The following CDH4 variants were observed in gnomAD, a reference collection of about 807,000 sequenced individuals.
CDH4 encodes cadherin-4.
CDH4 carries 33 observed loss-of-function variants against 86.0 expected under a neutral mutation model. That is an observed-to-expected ratio of 0.38 (90% CI 0.29 to 0.51). The LOEUF (loss-of-function observed/expected upper bound fraction) is 0.51, where lower values mean the gene tolerates loss of function less well. Ranked by LOEUF, CDH4 falls within the 20% of genes least tolerant of loss-of-function variation. The pLI, the probability that CDH4 is intolerant of heterozygous loss-of-function variation, is 0.86. For missense variants in CDH4, 1,114 were observed against 1,307.4 expected (o/e 0.85, Z 2.28); for synonymous variants, 555 against 549.4 (o/e 1.01, Z -0.14).
rs372880173 is a variant in CDH4 at position 61,786,523 on chromosome 20, G to A, written c.576+13341G>A. ...AACAGGCAGGCCCTTTGTGTTTACC[G>A]CCCTCTCATCCAAGCAGAAAATGTT... On this transcript the variant is annotated intron_variant, in intron 4 of 15. Coordinates refer to ENST00000614565, the MANE Select transcript of CDH4 (RefSeq NM_001794.5). Among the ~76,000 whole-genome samples, 12 of 152,190 alleles carry A rather than the reference G, an allele frequency of 7.9e-5. 1 individual carries two copies. Among genetic ancestry groups the A allele is most frequent in the African/African-American group, 1.9e-4 (8 of 41,532 alleles).
At chr20:61,677,983 G>C (rs1363717978) in intron 2 of CDH4, among the ~76,000 whole-genome samples, 1 of 152,162 alleles carries the variant, frequency 6.6e-6, no homozygotes, top group Non-Finnish European at 1.5e-5. Context: ...TAGATGGATA[G>C]ATGATACATA....
intron 2 of CDH4, among the ~76,000 whole-genome samples, chr20:61,671,035 T>C (rs2087380584): frequency 6.6e-6 from 1 of 152,306 alleles, no homozygotes; most frequent in African/African-American, 2.4e-5. Flanking sequence ...GCTGCACAGT[T>C]AACAGTCGAG....
Position 61,829,586 on chromosome 20 carries a change from C to T in CDH4, c.577-15082C>T, listed in dbSNP as rs1002797238. Among the ~76,000 whole-genome samples the T allele has an allele frequency of 3.9e-5, 6 of 152,202 alleles. No individual in the cohort carries two copies. Among genetic ancestry groups the T allele is most frequent in the East Asian group, 1.9e-4 (1 of 5,186 alleles). ...GAGGCCACGAGCCTGTTTTCCACGG[C>T]GGCTCTGCGGGCCTCCTGTTGAGGA... On this transcript the variant is annotated intron_variant, in intron 4 of 15. Coordinates refer to ENST00000614565, the MANE Select transcript of CDH4 (RefSeq NM_001794.5). The surrounding 1 kb of genome is among the most constrained non-coding windows in gnomAD (Gnocchi z 4.2).
At chr20:61,847,742 G>A (rs983937647) in intron 5 of CDH4, among the ~76,000 whole-genome samples, 1 of 152,186 alleles carries the variant, frequency 6.6e-6, no homozygotes, top group African/African-American at 2.4e-5. Flanking sequence ...TTCCACTCAT[G>A]GGAGAAAGTG....
intron 4 of CDH4, among the ~76,000 whole-genome samples, chr20:61,819,962 G>A (rs534538700): frequency 6.6e-6 from 1 of 152,294 alleles, no homozygotes; most frequent in South Asian, 2.1e-4. Flanking sequence ...ACACCTGCCC[G>A]TGAAAGGCCT....
chr20:61,386,977 C>A (rs964404325), intron 2 of CDH4, among the ~76,000 whole-genome samples: 7 of 152,318 alleles, frequency 4.6e-5, no homozygotes, highest in African/African-American at 1.7e-4. Flanking sequence ...GAGGAACTCC[C>A]GCGAGTTCTG....
chr20:61,786,126 G>A lies in CDH4; in HGVS notation c.576+12944G>A, dbSNP rs184989240. ...TTGGGGGTCTTCGGCTCAGCCCTCCGGGGAAACAAGGACCCTTGAGAAAGT... is the reference window on the plus strand; with the variant it reads ...TTGGGGGTCTTCGGCTCAGCCCTCCAGGGAAACAAGGACCCTTGAGAAAGT... On this transcript the variant is annotated intron_variant, in intron 4 of 15. Coordinates refer to ENST00000614565, the MANE Select transcript of CDH4 (RefSeq NM_001794.5). 2.8e-4 allele frequency among the ~76,000 whole-genome samples: 42 copies of A among 152,186 alleles called. 1 individual carries two copies. Among genetic ancestry groups the A allele is most frequent in the African/African-American group, 6.0e-4 (25 of 41,548 alleles).
At chr20:61,318,753 T>C (rs757670728) in intron 2 of CDH4, among the ~76,000 whole-genome samples, 6 of 152,256 alleles carry the variant, frequency 3.9e-5, no homozygotes, top group Non-Finnish European at 7.3e-5. Context: ...TACTACCACT[T>C]GTTTGGCACA....
intron 2 of CDH4, among the ~76,000 whole-genome samples, chr20:61,666,958 C>T (rs113565809): frequency 6.6e-6 from 1 of 152,240 alleles, no homozygotes; most frequent in Non-Finnish European, 1.5e-5. Context: ...CATCCCTCAC[C>T]CGCACACCCG....
At chr20:61,647,768 C>G (rs1449305532) in intron 2 of CDH4, among the ~76,000 whole-genome samples, 1 of 152,078 alleles carries the variant, frequency 6.6e-6, no homozygotes. Flanking sequence ...GATCACAGGC[C>G]CTGACCCATC....
chr20:61,568,641 G>A (rs372886388), intron 2 of CDH4, among the ~76,000 whole-genome samples: 6 of 152,168 alleles, frequency 3.9e-5, no homozygotes, highest in East Asian at 3.8e-4. Flanking sequence ...CAGTCTTGGC[G>A]CCTTGGCACT....
intron 4 of CDH4, among the ~76,000 whole-genome samples, chr20:61,830,648 A>C (rs1981556696): frequency 6.6e-6 from 1 of 152,218 alleles, no homozygotes; most frequent in African/African-American, 2.4e-5. Flanking sequence ...CCGGAGAGAC[A>C]CTGAAATGAA....
intron 4 of CDH4, among the ~76,000 whole-genome samples, chr20:61,793,579 C>T (rs1413092950): frequency 1.3e-5 from 2 of 152,026 alleles, no homozygotes; most frequent in South Asian, 2.1e-4. Flanking sequence ...CAGTGGCTCA[C>T]GCCTGTAATC....
intron 2 of CDH4, among the ~76,000 whole-genome samples, chr20:61,659,854 G>A (rs1032891605): frequency 6.6e-6 from 1 of 152,242 alleles, no homozygotes. Context: ...AGGCAGGGCT[G>A]CAGCTGCAGC....
chr20:61,657,619 A>G (rs2210111), intron 2 of CDH4, among the ~76,000 whole-genome samples: 44,489 of 152,176 alleles, frequency 0.29, 7,883 homozygotes, highest in African/African-American at 0.5. Context: ...AGGAGAAGAC[A>G]AACTGTCCTG....
At chr20:61,764,762 C>A (rs1267586215) in intron 3 of CDH4, among the ~76,000 whole-genome samples, 3 of 152,234 alleles carry the variant, frequency 2.0e-5, no homozygotes, top group East Asian at 3.9e-4. Context: ...TAACATCACT[C>A]CTATCCCCAC....
chr20:61,692,668 G>T (rs1005313477), intron 2 of CDH4, among the ~76,000 whole-genome samples: 1 of 152,150 alleles, frequency 6.6e-6, no homozygotes, highest in African/African-American at 2.4e-5. Context: ...ATGGGGCAGG[G>T]GCAAGTTTAT....
At chr20:61,734,307 T>C (rs1711951345) in intron 2 of CDH4, among the ~76,000 whole-genome samples, 1 of 152,234 alleles carries the variant, frequency 6.6e-6, no homozygotes. Flanking sequence ...GACTGCTACA[T>C]GTAATCCTCG....
chr20:61,365,219 T>A (rs1201117285), intron 2 of CDH4, among the ~76,000 whole-genome samples: 1 of 152,214 alleles, frequency 6.6e-6, no homozygotes, highest in Admixed American at 6.5e-5. Flanking sequence ...TTGTTTTGGT[T>A]CCTAGCTGTC....
Sources: allele counts gnomAD v4.1 joint callset (sites outside exome capture counted in the v4.1 genomes callset), GRCh38; gene constraint gnomAD v4.1.1; non-coding constraint Gnocchi (gnomAD v3.1); transcripts MANE v1.5; gene names NCBI Gene and HGNC (gene_info 2026-07-23, HGNC 2026-07-21).